ST6GAL1: variants seen among roughly 807,000 people sequenced by gnomAD.
ST6GAL1 encodes the protein beta-galactoside alpha-2,6-sialyltransferase 1.
ST6GAL1 carries 20 observed loss-of-function variants against 38.0 expected under a neutral mutation model. The ratio of observed to expected loss-of-function variants is 0.53; its 90% CI spans 0.37 to 0.77. The LOEUF is 0.77. ST6GAL1 is among the 30% of genes least tolerant of loss of function. ST6GAL1 has a pLI of 0.00. For missense variants in ST6GAL1, 432 were observed against 496.4 expected, an observed-to-expected ratio of 0.87 and a Z score of 1.23; for synonymous variants, 196 against 188.2, an observed-to-expected ratio of 1.04 and a Z score of -0.34.
intron 2 of ST6GAL1, among the ~76,000 whole-genome samples, chr3:186,966,793 G>C (rs1341528956): frequency 6.6e-6 from 1 of 152,208 alleles, no homozygotes; most frequent in East Asian, 1.9e-4. Flanking sequence ...CCGCCAGTTA[G>C]AAGCAACAGG....
At chr3:187,067,089 TTTTTTTTTTTTTTTTTTTG>T (rs1020095692) in intron 5 of ST6GAL1, among the ~76,000 whole-genome samples, 1 of 91,534 alleles carries the variant, frequency 1.1e-5, no homozygotes, top group African/African-American at 5.0e-5. Flanking sequence ...TTCTTTTTTT[TTTTTTTTTTTTTTTTTTTG>T]GAGACAGAGT....
chr3:186,977,172 G>A (rs1179991076), intron 2 of ST6GAL1, among the ~76,000 whole-genome samples: 1 of 152,240 alleles, frequency 6.6e-6, no homozygotes, highest in Non-Finnish European at 1.5e-5. Flanking sequence ...GGTCTCTGAA[G>A]CCTTCTGCTG....
At chr3:186,991,747 C>T (rs1716175702) in intron 2 of ST6GAL1, among the ~76,000 whole-genome samples, 1 of 152,104 alleles carries the variant, frequency 6.6e-6, no homozygotes, top group Admixed American at 6.5e-5. Flanking sequence ...CACCTTGTCT[C>T]CTTTGCTGTC....
At chr3:186,992,125 T>G (rs150063384) in intron 2 of ST6GAL1, among the ~76,000 whole-genome samples, 2 of 152,266 alleles carry the variant, frequency 1.3e-5, no homozygotes, top group African/African-American at 4.8e-5. Flanking sequence ...ACCATTGATA[T>G]GGTTTGGCTG....
chr3:186,951,730 G>A (rs1273121848), intron 1 of ST6GAL1, among the ~76,000 whole-genome samples: 2 of 152,190 alleles, frequency 1.3e-5, no homozygotes, highest in Non-Finnish European at 2.9e-5. Flanking sequence ...ATGGCAGTCG[G>A]AGGAAAACTT....
chr3:186,983,643 T>A (rs998028141), intron 2 of ST6GAL1, among the ~76,000 whole-genome samples: 2 of 152,052 alleles, frequency 1.3e-5, no homozygotes, highest in African/African-American at 4.8e-5. Context: ...TAATGGTTAT[T>A]ATATAGGGAG....
intron 5 of ST6GAL1, among the ~76,000 whole-genome samples, chr3:187,063,995 C>T (rs564093562): frequency 5.3e-5 from 8 of 152,162 alleles, no homozygotes; most frequent in East Asian, 1.9e-4. Flanking sequence ...TAAATAGTAG[C>T]GATGGGCACT....
At chr3:186,994,241 A>G (rs1716285930) in intron 2 of ST6GAL1, among the ~76,000 whole-genome samples, 3 of 152,344 alleles carry the variant, frequency 2.0e-5, no homozygotes, top group South Asian at 2.1e-4. Flanking sequence ...AAAGCCCACA[A>G]GTGCAGGTGG....
At chr3:187,040,231 G>T (rs575408044) in intron 3 of ST6GAL1, among the ~76,000 whole-genome samples, 1 of 152,212 alleles carries the variant, frequency 6.6e-6, no homozygotes, top group African/African-American at 2.4e-5. Context: ...TAATAGGTCT[G>T]TAAAACCTTA....
chr3:187,016,472 G>T (rs770387508), intron 2 of ST6GAL1, among the ~76,000 whole-genome samples: 1 of 152,172 alleles, frequency 6.6e-6, no homozygotes, highest in Non-Finnish European at 1.5e-5. Context: ...GATCTGAGAA[G>T]CTTCCTCCAG....
chr3:186,965,238 G>C (rs1715065266), intron 2 of ST6GAL1, among the ~76,000 whole-genome samples: 2 of 152,210 alleles, frequency 1.3e-5, no homozygotes, highest in African/African-American at 4.8e-5. Context: ...AGTGTGAAAA[G>C]GGAGCCTCAG....
intron 1 of ST6GAL1, among the ~76,000 whole-genome samples, chr3:186,948,182 G>A (rs867348754): frequency 2.4e-4 from 36 of 152,204 alleles, no homozygotes; most frequent in Admixed American, 9.2e-4. Flanking sequence ...GGAGGAGGCT[G>A]TTCCAGACGT....
rs556606424 is a variant in ST6GAL1 at position 187,052,369 on chromosome 3, A to C, written c.705+1023A>C. ...ATGTGCAGATTTGTTACATAGATAT[A>C]CATGTGCCATGTTGGTTTGCTGCAC... On this transcript the variant is annotated intron_variant, in intron 5 of 7. Coordinates refer to ENST00000169298, the MANE Select transcript of ST6GAL1 (RefSeq NM_173216.2). Among the ~76,000 whole-genome samples the C allele has an allele frequency of 8.5e-5, 13 of 152,266 alleles. No homozygotes were observed. In the South Asian group the frequency reaches 2.7e-3, roughly 32 times the overall value.
Position 187,077,160 on chromosome 3 carries a change from A to G in ST6GAL1, c.*1357A>G. On this transcript the variant is annotated 3_prime_UTR_variant, in exon 8 of 8. Coordinates refer to ENST00000169298, the MANE Select transcript of ST6GAL1 (RefSeq NM_173216.2). ...TCTCACCAGGTGTGAGAGGTGTGGT[A>G]GCAGATTGCAATGCTCTGCACCTCT... The G allele has an allele frequency of 7.6e-6, 3 of 396,112 alleles. No homozygotes were observed. The East Asian group carries it at 1.1e-4, about 14-fold the overall frequency. 24.5% of individuals were successfully genotyped at this position (396,112 alleles called of 1,614,324 possible).
intron 2 of ST6GAL1, among the ~76,000 whole-genome samples, chr3:187,036,605 G>T (rs1282312751): frequency 1.3e-5 from 2 of 152,134 alleles, no homozygotes; most frequent in African/African-American, 4.8e-5. Flanking sequence ...GCAGCAACAT[G>T]GATGCAGCTG....
Position 187,076,768 on chromosome 3 carries a change from A to G in ST6GAL1, c.*965A>G, listed in dbSNP as rs1719576685. The G allele has an allele frequency of 2.5e-6, 1 of 398,734 alleles. No homozygotes were observed. Among genetic ancestry groups the G allele is most frequent in the Non-Finnish European group, 4.4e-6 (1 of 226,058 alleles). 24.7% of individuals were successfully genotyped at this position (398,734 alleles called of 1,614,324 possible). A position where few individuals can be genotyped will look rare whatever the true frequency, so the allele number is the denominator to read the frequency against. ...TTTTCTAAGATCTACCTGAACTTAG[A>G]GACTCAAGATATTTTTTTAGGAAAC... On this transcript the variant is annotated 3_prime_UTR_variant, in exon 8 of 8. Coordinates refer to ENST00000169298, the MANE Select transcript of ST6GAL1 (RefSeq NM_173216.2).
intron 5 of ST6GAL1, among the ~76,000 whole-genome samples, chr3:187,068,147 C>G (rs565247658): frequency 6.6e-6 from 1 of 152,132 alleles, no homozygotes; most frequent in South Asian, 2.1e-4. Flanking sequence ...TCAAGACCAT[C>G]CTGGCTAACA....
chr3:187,075,391 A>G lies in ST6GAL1; in HGVS notation c.980-171A>G, dbSNP rs770113518. Among the ~76,000 whole-genome samples, 2 of 152,202 alleles carry G rather than the reference A, an allele frequency of 1.3e-5. No homozygotes were observed. Among genetic ancestry groups the G allele is most frequent in the Non-Finnish European group, 2.9e-5 (2 of 68,032 alleles). On this transcript the variant is annotated intron_variant, in intron 7 of 7. Transcript: ENST00000169298. The surrounding 1 kb of genome is among the most constrained non-coding windows in gnomAD (Gnocchi z 4.1). ...CACACAGCCCTGCATCCTAAGGAAC[A>G]CTGCTGGGCTTGGCTTGCTGAAACT...
At chr3:186,935,664 G>A (rs1415252850) in intron 1 of ST6GAL1, among the ~76,000 whole-genome samples, 3 of 152,136 alleles carry the variant, frequency 2.0e-5, no homozygotes, top group Non-Finnish European at 4.4e-5. Context: ...GCCAGCATCT[G>A]TTACTTTTTG....
Sources: allele counts gnomAD v4.1 joint callset (sites outside exome capture counted in the v4.1 genomes callset), GRCh38; gene constraint gnomAD v4.1.1; non-coding constraint Gnocchi (gnomAD v3.1); transcripts MANE v1.5; gene names NCBI Gene and HGNC (gene_info 2026-07-23, HGNC 2026-07-21).